The following SLC14A2 variants were observed in gnomAD, a reference collection of about 807,000 sequenced individuals.
SLC14A2 encodes the protein urea transporter 2.
In SLC14A2, 91 loss-of-function variants were observed where a neutral mutation model predicts 104.6. That is an observed-to-expected ratio of 0.87 (90% CI 0.73 to 1.04). SLC14A2 has a LOEUF of 1.04. Ranked by LOEUF, SLC14A2 falls within the 50% of genes least tolerant of loss-of-function variation. The pLI, the probability that SLC14A2 is intolerant of heterozygous loss-of-function variation, is 0.00. For missense variants in SLC14A2, 1,189 were observed against 1,156.0 expected (o/e 1.03, Z -0.41); for synonymous variants, 476 against 466.4 (o/e 1.02, Z -0.27).
rs2087214054 is a variant in SLC14A2, at chr18:45,469,864, A to G, written c.-124-13369A>G. Among the ~76,000 whole-genome samples the G allele has an allele frequency of 2.0e-5, 3 of 152,226 alleles. No individual in the cohort carries two copies. The South Asian group carries it at 6.2e-4, about 32-fold the overall frequency. On this transcript the variant is annotated intron_variant, in intron 1 of 20. Transcript: ENST00000586448. ...ACACTAGAGAAGTAGGCAGGGACAC[A>G]TTATAAAGGAACTTGGACTTATGCA... is the stretch of plus-strand genomic sequence containing the variant.
chr18:45,574,136 A>T (rs975804529), intron 2 of SLC14A2, among the ~76,000 whole-genome samples: 1 of 152,202 alleles, frequency 6.6e-6, no homozygotes, highest in Non-Finnish European at 1.5e-5. Flanking sequence ...AGACAGAATT[A>T]GTGTCATGAG....
chr18:45,564,643 G>T (rs1221809377), intron 2 of SLC14A2, among the ~76,000 whole-genome samples: 1 of 152,196 alleles, frequency 6.6e-6, no homozygotes, highest in Non-Finnish European at 1.5e-5. Flanking sequence ...GGGGAAATAT[G>T]CCAGGGAGAA....
At chr18:45,300,785 C>A (rs538559185) in intron 1 of SLC14A2, among the ~76,000 whole-genome samples, 1 of 152,160 alleles carries the variant, frequency 6.6e-6, no homozygotes, top group Non-Finnish European at 1.5e-5. Context: ...ATGGGAAGTG[C>A]ATTCCTTGCC....
chr18:45,335,913 C>T (rs767686283), intron 1 of SLC14A2, among the ~76,000 whole-genome samples: 6 of 152,144 alleles, frequency 3.9e-5, no homozygotes, highest in Non-Finnish European at 7.3e-5. Flanking sequence ...GTAGATGAAG[C>T]GCTGGGCTTC....
chr18:45,672,939 G>A lies in SLC14A2; in HGVS notation c.2269G>A (p.Gly757Ser), dbSNP rs142459777. Residue 757 changes from glycine (G) to serine (S), a missense_variant, in exon 17 of 20, where the codon GGC (glycine) becomes AGC (serine). Coordinates refer to ENST00000255226, the MANE Select transcript of SLC14A2 (RefSeq NM_007163.4). ...AIPVGIGQVY[G>S]CDNPWTGGIF... ...CCCCGTTGGAATTGGCCAAGTGTAC[G>A]GCTGTGATAACCCCTGGACTGGAGG... 1.9e-3 allele frequency: 3,118 copies of A among 1,614,052 alleles called. 39 individuals are homozygous for A. The highest frequency in any genetic ancestry group is 0.018 in the South Asian group (1,635 of 91,070).
At chr18:45,287,411 C>T (rs2084825353) in intron 1 of SLC14A2, among the ~76,000 whole-genome samples, 1 of 152,220 alleles carries the variant, frequency 6.6e-6, no homozygotes, top group Admixed American at 6.5e-5. Flanking sequence ...ACCTAGTGTG[C>T]TGGTCAAGGC....
chr18:45,654,141 G>GGA (rs370033804), intron 10 of SLC14A2, among the ~76,000 whole-genome samples: 5 of 148,746 alleles, frequency 3.4e-5, no homozygotes, highest in South Asian at 2.1e-4. Context: ...GAATGCTGGG[G>GGA]GGGACGTGGG....
chr18:45,474,264 C>A (rs187055228), intron 1 of SLC14A2, among the ~76,000 whole-genome samples: 4 of 152,224 alleles, frequency 2.6e-5, no homozygotes, highest in Non-Finnish European at 5.9e-5. Flanking sequence ...TGATGTGCTG[C>A]TGGATTTGGT....
chr18:45,461,653 C>T (rs899776265), intron 1 of SLC14A2, among the ~76,000 whole-genome samples: 2 of 152,114 alleles, frequency 1.3e-5, no homozygotes, highest in Non-Finnish European at 2.9e-5. Context: ...TAGACAGAGC[C>T]CATCATTGCC....
chr18:45,497,819 G>C (rs1236015124), intron 2 of SLC14A2, among the ~76,000 whole-genome samples: 1 of 152,188 alleles, frequency 6.6e-6, no homozygotes, highest in Non-Finnish European at 1.5e-5. Flanking sequence ...TGACGGATCT[G>C]TCCCCAGCGA....
intron 2 of SLC14A2, among the ~76,000 whole-genome samples, chr18:45,563,360 T>G (rs2044228003): frequency 6.6e-6 from 1 of 152,206 alleles, no homozygotes; most frequent in African/African-American, 2.4e-5. Context: ...CAGACCAGTG[T>G]TGTGGGGCCA....
At chr18:45,197,393 A>C in the SLC14A2 span, among the ~76,000 whole-genome samples, 1 of 152,068 alleles carries the variant, frequency 6.6e-6, no homozygotes, top group Non-Finnish European at 1.5e-5. Context: ...ACCCAGTAAG[A>C]GAAGTGAGAG....
chr18:45,667,844 G>C lies in SLC14A2; in HGVS notation c.1729G>C (p.Val577Leu). Residue 577 changes from valine (V) to leucine (L), a missense_variant, in exon 14 of 20, where the codon GTG (valine) becomes CTG (leucine). Coordinates refer to ENST00000255226, the MANE Select transcript of SLC14A2 (RefSeq NM_007163.4). ...CGGTTCCATTTCAGACAAGTCCCCA[G>C]TGTTCCAGTTCTTTGACTGGGTCCT... ...CGEGLKDKSP[V>L]FQFFDWVLRG... 6.2e-7 allele frequency: 1 copy of C among 1,614,148 alleles called. No homozygotes were observed. Among genetic ancestry groups the C allele is most frequent in the East Asian group, 2.2e-5 (1 of 44,890 alleles).
Position 45,371,609 on chromosome 18 carries a change from G to A in SLC14A2, c.-124-111624G>A, listed in dbSNP as rs149968243. On this transcript the variant is annotated intron_variant, in intron 1 of 20. Transcript: ENST00000586448. ...ATAAAGGCAGAGCCTGTATACAAAC[G>A]TTGGTCTTTCTGACCCTAGAGCCTA... Among the ~76,000 whole-genome samples the A allele has an allele frequency of 2.0e-3, 308 of 152,250 alleles. 5 individuals carry two copies. The highest frequency in any genetic ancestry group is 1.4e-3 in the Non-Finnish European group (93 of 68,028).
At chr18:45,423,956 C>T (rs1390668389) in intron 1 of SLC14A2, 1 of 152,232 alleles carries the variant, frequency 6.6e-6, no homozygotes, top group Non-Finnish European at 1.5e-5. Flanking sequence ...ATTCATCTCT[C>T]TCTTGGTTTT....
chr18:45,207,517 A>T, the SLC14A2 span, among the ~76,000 whole-genome samples: 1 of 152,132 alleles, frequency 6.6e-6, no homozygotes, highest in Non-Finnish European at 1.5e-5. Flanking sequence ...GTGTGTGCAT[A>T]TGGGTGTGTG....
At chr18:45,357,140 G>A (rs1286791669) in intron 1 of SLC14A2, among the ~76,000 whole-genome samples, 1 of 152,118 alleles carries the variant, frequency 6.6e-6, no homozygotes, top group East Asian at 1.9e-4. Context: ...CTAAGAAGGG[G>A]GACCAGGAGG....
At chr18:45,440,189 A>C (rs528673731) in intron 1 of SLC14A2, among the ~76,000 whole-genome samples, 54 of 151,750 alleles carry the variant, frequency 3.6e-4, no homozygotes, top group Middle Eastern at 3.4e-3. Context: ...TTGCTATGCA[A>C]ACACTGTTTC....
chr18:45,415,788 T>A (rs1186372794), intron 1 of SLC14A2, among the ~76,000 whole-genome samples: 2 of 152,112 alleles, frequency 1.3e-5, no homozygotes, highest in African/African-American at 4.8e-5. Context: ...GATCTTAACA[T>A]CGAACCACCT....
Sources: gnomAD v4.1 joint callset for allele counts (sites outside exome capture counted in the v4.1 genomes callset) on GRCh38, gnomAD v4.1.1 for gene constraint, MANE v1.5 for transcripts, NCBI Gene and HGNC (gene_info 2026-07-23, HGNC 2026-07-21) for gene names.